GALNT2: variants seen among roughly 807,000 people sequenced by gnomAD.
GALNT2 encodes the protein polypeptide N-acetylgalactosaminyltransferase 2, also known as UDP-GalNAc:polypeptide N-acetylgalactosaminyltransferase 2.
Under a neutral mutation model 81.4 loss-of-function variants are expected in GALNT2, and 31 were observed. That is an observed-to-expected ratio of 0.38 (90% CI 0.29 to 0.51). The LOEUF (loss-of-function observed/expected upper bound fraction) is 0.51, where lower values mean the gene tolerates loss of function less well. GALNT2 is among the 20% of genes least tolerant of loss of function. The pLI, the probability that GALNT2 is intolerant of heterozygous loss-of-function variation, is 0.87. For missense variants in GALNT2, 629 were observed against 765.7 expected, an observed-to-expected ratio of 0.82 and a Z score of 2.11; for synonymous variants, 303 against 287.4, an observed-to-expected ratio of 1.05 and a Z score of -0.55.
intron 3 of GALNT2, among the ~76,000 whole-genome samples, chr1:230,216,904 A>G (rs1354416567): frequency 3.3e-5 from 5 of 152,232 alleles, no homozygotes; most frequent in Non-Finnish European, 4.4e-5. Flanking sequence ...CTCTTTGGAA[A>G]TTCAAGTTAT....
intron 1 of GALNT2, among the ~76,000 whole-genome samples, chr1:230,101,594 G>C (rs1210963691): frequency 6.6e-6 from 1 of 152,224 alleles, no homozygotes; most frequent in Non-Finnish European, 1.5e-5. Context: ...TCCCAGTGGT[G>C]TTTTAACAAC....
intron 1 of GALNT2, among the ~76,000 whole-genome samples, chr1:230,157,317 GA>G (rs1274706817): frequency 3.2e-4 from 48 of 152,132 alleles, no homozygotes; most frequent in Non-Finnish European, 5.1e-4. Flanking sequence ...GCTTTGGGGG[GA>G]AAAAAAGCAA....
Position 230,090,279 on chromosome 1 carries a change from A to G in GALNT2, c.126+22873A>G, listed in dbSNP as rs868605579. Among the ~76,000 whole-genome samples the G allele has an allele frequency of 3.9e-5, 6 of 152,352 alleles. No individual in the cohort carries two copies. The Middle Eastern group carries it at 0.017, about 432-fold the overall frequency. ...AATGCTGGGAACTTTCTGTGGTTGA[A>G]GGACCTTGACATTTGTTGTCAAACT... On this transcript the variant is annotated intron_variant, in intron 1 of 15. Coordinates refer to ENST00000366672, the MANE Select transcript of GALNT2 (RefSeq NM_004481.5).
rs1225733355 is a variant in GALNT2, at chr1:230,243,446, G to T, written c.729+19G>T. On this transcript the variant is annotated intron_variant, in intron 7 of 15. Transcript: ENST00000366672. This position sits in a 1 kb window ranked among gnomAD's most constrained non-coding sequence, Gnocchi z 4.2. ...GGCGGAGGTGAGATGACGGGGGCTG[G>T]GAGGGGTGTCAGGTCGTGGGTGGTT... 6.2e-7 allele frequency: 1 copy of T among 1,608,600 alleles called. No homozygotes were observed. Among genetic ancestry groups the T allele is most frequent in the South Asian group, 1.1e-5 (1 of 90,850 alleles).
intron 1 of GALNT2, among the ~76,000 whole-genome samples, chr1:230,159,329 TCTTAAAGTGTTCAGCACTCCC>T (rs6143660): frequency 0.44 from 67,556 of 151,908 alleles, 18,079 homozygotes; most frequent in Non-Finnish European, 0.6. Flanking sequence ...CTGCTTTTTC[TCTTAAAGTGTTCAGCACTCCC>T]CTGAGTTTAT....
chr1:230,249,058 G>A, intron 8 of GALNT2, 126 bp from the exon 9 acceptor site: 1 of 891,114 alleles, frequency 1.1e-6, no homozygotes, highest in Non-Finnish European at 1.8e-6. Context: ...CTTCTTTTTT[G>A]GCTTTGTTTT....
intron 1 of GALNT2, among the ~76,000 whole-genome samples, chr1:230,123,157 T>C (rs922252880): frequency 6.6e-6 from 1 of 152,204 alleles, no homozygotes; most frequent in African/African-American, 2.4e-5. Context: ...TCACAGCTAG[T>C]CTATGAGCCT....
At chr1:230,098,040 G>C (rs927404400) in intron 1 of GALNT2, among the ~76,000 whole-genome samples, 1 of 152,168 alleles carries the variant, frequency 6.6e-6, no homozygotes, top group Non-Finnish European at 1.5e-5. Flanking sequence ...ATTCTGGGTA[G>C]GTAGACATTT....
Position 230,070,551 on chromosome 1 carries a change from A to C in GALNT2, c.126+3145A>C, listed in dbSNP as rs566099209. Reference sequence around the variant, plus strand: ...ATGCTGGGAGGTAAGGGACGGTGTTAGTTGAGGGACATGATCCGGAGCCCT... The same window carrying C: ...ATGCTGGGAGGTAAGGGACGGTGTTCGTTGAGGGACATGATCCGGAGCCCT... On this transcript the variant is annotated intron_variant, in intron 1 of 15. Coordinates refer to ENST00000366672, the MANE Select transcript of GALNT2 (RefSeq NM_004481.5). This position sits in a 1 kb window ranked among gnomAD's most constrained non-coding sequence, Gnocchi z 4.7. 1.5e-3 allele frequency among the ~76,000 whole-genome samples: 234 copies of C among 152,038 alleles called. 1 individual carries two copies. The highest frequency in any genetic ancestry group is 0.012 in the South Asian group (58 of 4,812).
chr1:230,126,584 A>C (rs923733319), intron 1 of GALNT2, among the ~76,000 whole-genome samples: 5 of 152,090 alleles, frequency 3.3e-5, no homozygotes, highest in Admixed American at 1.3e-4. Flanking sequence ...CGGGAATGAG[A>C]GTGGTTCAGA....
At chr1:230,083,687 G>A (rs777580190) in intron 1 of GALNT2, among the ~76,000 whole-genome samples, 11 of 152,322 alleles carry the variant, frequency 7.2e-5, no homozygotes, top group East Asian at 3.9e-4. Context: ...GCTGTTAAAC[G>A]GTGTCCGGAG....
At chr1:230,089,763 G>T (rs994508235) in intron 1 of GALNT2, among the ~76,000 whole-genome samples, 1 of 152,122 alleles carries the variant, frequency 6.6e-6, no homozygotes, top group Non-Finnish European at 1.5e-5. Context: ...TTAAAGCTGG[G>T]TAATAGTTCA....
chr1:230,106,150 T>C (rs1660537823), intron 1 of GALNT2, among the ~76,000 whole-genome samples: 1 of 152,238 alleles, frequency 6.6e-6, no homozygotes, highest in Admixed American at 6.5e-5. Context: ...CCAGGCATTG[T>C]CCGCTCTGTT....
intron 15 of GALNT2, among the ~76,000 whole-genome samples, chr1:230,277,051 C>T (rs16851315): frequency 0.043 from 6,481 of 152,332 alleles, 174 homozygotes; most frequent in Middle Eastern, 0.071. Context: ...ACAGGTGTTT[C>T]TGCTTCAGTC....
intron 7 of GALNT2, among the ~76,000 whole-genome samples, chr1:230,244,027 T>G (rs1345522801): frequency 6.6e-6 from 1 of 151,888 alleles, no homozygotes; most frequent in African/African-American, 2.4e-5. Context: ...ATTTGGCCTT[T>G]TTTCACTTCT....
intron 3 of GALNT2, among the ~76,000 whole-genome samples, chr1:230,208,311 A>G (rs1664127688): frequency 6.6e-6 from 1 of 152,010 alleles, no homozygotes; most frequent in Non-Finnish European, 1.5e-5. Context: ...AATGGACTGG[A>G]GGGGGGTATG....
At chr1:230,105,688 G>A (rs1454545743) in intron 1 of GALNT2, among the ~76,000 whole-genome samples, 1 of 152,186 alleles carries the variant, frequency 6.6e-6, no homozygotes, top group Non-Finnish European at 1.5e-5. Flanking sequence ...TGTCGGTGCT[G>A]TCTCACTGTG....
chr1:230,222,313 T>C (rs551865137), intron 3 of GALNT2, among the ~76,000 whole-genome samples: 11 of 152,286 alleles, frequency 7.2e-5, no homozygotes, highest in Non-Finnish European at 1.6e-4. Context: ...CATTCATGTC[T>C]GCCTGTTGCC....
At chr1:230,112,420 A>G (rs1433544409) in intron 1 of GALNT2, among the ~76,000 whole-genome samples, 1 of 151,484 alleles carries the variant, frequency 6.6e-6, no homozygotes. Context: ...TGCGTGGAGC[A>G]TGTAGCTTGT....
Sources: allele counts gnomAD v4.1 joint callset (sites outside exome capture counted in the v4.1 genomes callset), GRCh38; gene constraint gnomAD v4.1.1; non-coding constraint Gnocchi (gnomAD v3.1); transcripts MANE v1.5; gene names NCBI Gene and HGNC (gene_info 2026-07-23, HGNC 2026-07-21).